USP31: variants seen among roughly 807,000 people sequenced by gnomAD.
USP31 encodes the protein ubiquitin carboxyl-terminal hydrolase 31.
USP31 carries 44 observed loss-of-function variants against 119.4 expected under a neutral mutation model. The ratio of observed to expected loss-of-function variants is 0.37; its 90% CI spans 0.29 to 0.47. The LOEUF is 0.47. Among genes scored for constraint, USP31 ranks in the 20% least tolerant of loss-of-function variants. USP31 has a pLI of 0.99. For synonymous variants in USP31, 749 were observed against 705.6 expected, an observed-to-expected ratio of 1.06 and a Z score of -0.97; for missense variants, 1,643 against 1,730.2, an observed-to-expected ratio of 0.95 and a Z score of 0.89.
In USP31 at chr16:23,148,715, C is replaced by T; in HGVS notation, c.556G>A (p.Val186Ile). 2 of 1,489,338 alleles carry T rather than the reference C, an allele frequency of 1.3e-6. No individual in the cohort carries two copies. The highest frequency in any genetic ancestry group is 8.9e-7 in the Non-Finnish European group (1 of 1,122,254). 92.3% of individuals were successfully genotyped at this position (1,489,338 alleles called of 1,614,324 possible). The change falls in exon 1 of 16, where the codon GTC (valine) becomes ATC (isoleucine). Residue 186 changes from valine (V) to isoleucine (I), a missense_variant. By Grantham distance (29) the Val-to-Ile change is conservative. Coordinates refer to ENST00000219689, the MANE Select transcript of USP31 (RefSeq NM_020718.4). ...AGRGAQGQGEVTEQLAHLVRA... is the reference protein window; with the variant it reads ...AGRGAQGQGEITEQLAHLVRA... Reference sequence around the variant, plus strand: ...ACCAGGTGCGCCAGCTGCTCAGTGACCTCGCCCTGGCCCTGCGCGCCGCGG... The same window carrying T: ...ACCAGGTGCGCCAGCTGCTCAGTGATCTCGCCCTGGCCCTGCGCGCCGCGG...
chr16:23,073,648 G>T, intron 14 of USP31, 74 bp downstream of exon 14: 1 of 1,534,174 alleles, frequency 6.5e-7, no homozygotes. Flanking sequence ...AGAGCCTCCA[G>T]AGAGGTCCTC....
At chr16:23,139,358 C>T (rs1055701328) in intron 1 of USP31, among the ~76,000 whole-genome samples, 5 of 152,160 alleles carry the variant, frequency 3.3e-5, no homozygotes, top group Admixed American at 6.5e-5. Flanking sequence ...GCCGAGATCA[C>T]GCTAATCACA....
At chr16:23,140,200 C>G (rs909294371) in intron 1 of USP31, among the ~76,000 whole-genome samples, 1 of 152,214 alleles carries the variant, frequency 6.6e-6, no homozygotes, top group African/African-American at 2.4e-5. Context: ...GTGACAGACT[C>G]TCAAAGCCAT....
intron 6 of USP31, 79 bp downstream of exon 6, chr16:23,102,240 T>C: frequency 6.9e-7 from 1 of 1,447,720 alleles, no homozygotes; most frequent in Admixed American, 2.4e-5. Flanking sequence ...TATATCATTA[T>C]ATAATAGACA....
At chr16:23,076,158 G>A (rs1275445806) in intron 13 of USP31, among the ~76,000 whole-genome samples, 4 of 152,044 alleles carry the variant, frequency 2.6e-5, no homozygotes, top group Non-Finnish European at 4.4e-5. Flanking sequence ...AGGAAGAATA[G>A]CTTAATGCAT....
chr16:23,094,154 T>C (rs1439662533), intron 6 of USP31, among the ~76,000 whole-genome samples: 5 of 152,098 alleles, frequency 3.3e-5, no homozygotes, highest in African/African-American at 4.8e-5. Context: ...AATACTGTGC[T>C]TTTCCCAAGG....
intron 1 of USP31, among the ~76,000 whole-genome samples, chr16:23,110,552 A>G (rs1902275298): frequency 6.6e-6 from 1 of 152,328 alleles, no homozygotes; most frequent in East Asian, 1.9e-4. Context: ...GTAAAGTCAG[A>G]GGCCAGCTCA....
rs956547619 is a variant in USP31 at position 23,062,725 on chromosome 16, T to G, written c.*5321A>C. ...GCTCCAGCAACTAAGACCACCAATT[T>G]CCACCAGACTGGCGAGTGCTAGGCC... On this transcript the variant is annotated 3_prime_UTR_variant, in exon 16 of 16. Coordinates refer to ENST00000219689, the MANE Select transcript of USP31 (RefSeq NM_020718.4). 1 of 152,586 alleles carries G rather than the reference T, an allele frequency of 6.6e-6. No individual in the cohort carries two copies. The highest frequency in any genetic ancestry group is 2.4e-5 in the African/African-American group (1 of 41,442). 9.5% of individuals were successfully genotyped at this position (152,586 alleles called of 1,614,324 possible). A position where few individuals can be genotyped will look rare whatever the true frequency, so the allele number is the denominator to read the frequency against.
chr16:23,115,803 AAGAG>A, intron 1 of USP31: 1 of 984,356 alleles, frequency 1.0e-6, no homozygotes, highest in Non-Finnish European at 1.2e-6. Context: ...TTACCCTTCA[AAGAG>A]AGAATGTTTT....
At chr16:23,099,847 T>G (rs912253863) in intron 6 of USP31, among the ~76,000 whole-genome samples, 1 of 152,068 alleles carries the variant, frequency 6.6e-6, no homozygotes, top group African/African-American at 2.4e-5. Context: ...AAGCAAACAA[T>G]GCAATTTTAA....
At chr16:23,101,501 C>T (rs1402467940) in intron 6 of USP31, among the ~76,000 whole-genome samples, 4 of 152,172 alleles carry the variant, frequency 2.6e-5, no homozygotes, top group East Asian at 1.9e-4. Context: ...AAAATCAAGG[C>T]GTGGAAAATC....
intron 1 of USP31, 89 bp from the exon 2 acceptor site, chr16:23,108,272 G>A (rs1902190569): frequency 6.7e-7 from 1 of 1,496,858 alleles, no homozygotes; most frequent in Admixed American, 2.2e-5. Context: ...AGGGATGCAA[G>A]ATCTCAAGGG....
At chr16:23,132,732 A>C (rs1442605566) in intron 1 of USP31, among the ~76,000 whole-genome samples, 1 of 152,216 alleles carries the variant, frequency 6.6e-6, no homozygotes, top group Non-Finnish European at 1.5e-5. Flanking sequence ...GCTTTTAATA[A>C]AAGTTTTCTT....
At chr16:23,148,596 G>A in intron 1 of USP31, 42 bp downstream of exon 1, 1 of 1,417,598 alleles carries the variant, frequency 7.1e-7, no homozygotes, top group South Asian at 1.5e-5. Context: ...GGTGCCCCAG[G>A]GGCTCGGGGT....
chr16:23,088,246 A>T (rs2141849610), intron 7 of USP31, among the ~76,000 whole-genome samples: 1 of 152,278 alleles, frequency 6.6e-6, no homozygotes, highest in Non-Finnish European at 1.5e-5. Context: ...AGTCTCTGAC[A>T]ACAAGGGAGG....
intron 1 of USP31, among the ~76,000 whole-genome samples, chr16:23,126,634 A>T (rs1352112065): frequency 2.0e-5 from 3 of 151,774 alleles, no homozygotes; most frequent in Non-Finnish European, 4.4e-5. Flanking sequence ...CTCAAAAAAA[A>T]AAAAAAGAAA....
chr16:23,112,669 A>G (rs2141880384), intron 1 of USP31, among the ~76,000 whole-genome samples: 1 of 152,336 alleles, frequency 6.6e-6, no homozygotes, highest in African/African-American at 2.4e-5. Context: ...AGAAGAATCA[A>G]AACCAAAGGC....
intron 5 of USP31, among the ~76,000 whole-genome samples, chr16:23,104,291 T>C (rs191104515): frequency 1.3e-4 from 20 of 152,350 alleles, no homozygotes; most frequent in African/African-American, 4.6e-4. Context: ...CATGTTGTTT[T>C]TCTGCCGGTG....
At chr16:23,112,893 T>C (rs1348624712) in intron 1 of USP31, among the ~76,000 whole-genome samples, 3 of 151,478 alleles carry the variant, frequency 2.0e-5, no homozygotes, top group Non-Finnish European at 4.4e-5. Flanking sequence ...CCGGGCACGG[T>C]GGTGCATGTC....
Sources: allele counts gnomAD v4.1 joint callset (sites outside exome capture counted in the v4.1 genomes callset), GRCh38; gene constraint gnomAD v4.1.1; transcripts MANE v1.5; gene names NCBI Gene and HGNC (gene_info 2026-07-23, HGNC 2026-07-21).